The following GKAP1 variants were observed in gnomAD, a reference collection of about 807,000 sequenced individuals.
GKAP1 encodes G kinase-anchoring protein 1.
A neutral mutation model predicts 56.7 loss-of-function variants in GKAP1; 31 were observed. The observed-to-expected ratio is 0.55, with a 90% CI of 0.41 to 0.74. The LOEUF (loss-of-function observed/expected upper bound fraction) is 0.74, where lower values mean the gene tolerates loss of function less well. GKAP1 is among the 30% of genes least tolerant of loss of function. The pLI is 0.00. For missense variants in GKAP1, 364 were observed against 402.3 expected, an observed-to-expected ratio of 0.90 and a Z score of 0.82; for synonymous variants, 151 against 138.6, an observed-to-expected ratio of 1.09 and a Z score of -0.63.
At chr9:83,769,863 A>T (rs1353686336) in intron 7 of GKAP1, among the ~76,000 whole-genome samples, 1 of 152,164 alleles carries the variant, frequency 6.6e-6, no homozygotes, top group Non-Finnish European at 1.5e-5. Context: ...CCACATTCTC[A>T]TCAACACTTG....
At chr9:83,810,370 C>T (rs915194904) in intron 2 of GKAP1, among the ~76,000 whole-genome samples, 2 of 152,154 alleles carry the variant, frequency 1.3e-5, no homozygotes, top group Non-Finnish European at 2.9e-5. Context: ...AGTTAATGTT[C>T]ACAGAAGCAA....
In GKAP1 at chr9:83,784,825, G is replaced by A. The variant is rs770976137; in HGVS notation, c.452C>T (p.Ala151Val). 1 of 1,578,134 alleles carries A rather than the reference G, an allele frequency of 6.3e-7. No homozygotes were observed. The highest frequency in any genetic ancestry group is 8.6e-7 in the Non-Finnish European group (1 of 1,160,390). ...TTTGGACTGAGTTGAAGTATTTTCA[G>A]CATCTTCATACTCCTAAAAAGAATT... ...YEEHKKEYED[A>V]ENTSTQSKVM... The change falls in exon 6 of 13, where the codon GCT becomes GTT. Residue 151 changes from alanine to valine, a missense_variant. Physicochemically the swap from Ala to Val is moderately conservative, Grantham distance 64. Transcript: ENST00000376371.
intron 7 of GKAP1, among the ~76,000 whole-genome samples, chr9:83,772,548 G>A (rs1427696025): frequency 6.6e-6 from 1 of 151,988 alleles, no homozygotes; most frequent in Non-Finnish European, 1.5e-5. Context: ...AACTAGACTT[G>A]ATAACAATTT....
chr9:83,801,516 T>C (rs1944331297), intron 3 of GKAP1, among the ~76,000 whole-genome samples: 1 of 152,130 alleles, frequency 6.6e-6, no homozygotes, highest in South Asian at 2.1e-4. Context: ...ACCAAATACA[T>C]TGTTCTGCAA....
intron 5 of GKAP1, among the ~76,000 whole-genome samples, chr9:83,785,385 C>T (rs1037318778): frequency 6.6e-6 from 1 of 152,100 alleles, no homozygotes; most frequent in African/African-American, 2.4e-5. Context: ...TCTTCAATCT[C>T]AAAGTTTAAA....
chr9:83,743,972 A>G (rs949971997), intron 10 of GKAP1, among the ~76,000 whole-genome samples: 3 of 152,212 alleles, frequency 2.0e-5, no homozygotes, highest in African/African-American at 7.2e-5. Context: ...AAATTGTAAT[A>G]AAATTAGCAA....
chr9:83,768,703 T>C, intron 8 of GKAP1, 115 bp downstream of exon 8: 1 of 856,192 alleles, frequency 1.2e-6, no homozygotes, highest in South Asian at 1.6e-5. Context: ...TAAGATCATA[T>C]CCTAAACTAC....
chr9:83,780,464 G>GAAAA, intron 6 of GKAP1, 60 bp from the exon 7 acceptor site: 1 of 172,824 alleles, frequency 5.8e-6, no homozygotes, highest in South Asian at 7.0e-5. Context: ...ATACAAAAAT[G>GAAAA]TAAAAAAAAA....
At chr9:83,777,530 C>T (rs1463705287) in intron 7 of GKAP1, among the ~76,000 whole-genome samples, 1 of 151,986 alleles carries the variant, frequency 6.6e-6, no homozygotes, top group African/African-American at 2.4e-5. Flanking sequence ...ATGAAATTAA[C>T]CTGAGAACAA....
At chr9:83,783,000 C>T (rs1944003087) in intron 6 of GKAP1, among the ~76,000 whole-genome samples, 1 of 152,124 alleles carries the variant, frequency 6.6e-6, no homozygotes, top group Non-Finnish European at 1.5e-5. Flanking sequence ...TGTATTTGTT[C>T]TTTTAACCCC....
rs79424450 is a variant in GKAP1, at chr9:83,751,984, G to T, written c.840+1274C>A. Among the ~76,000 whole-genome samples, 976 of 152,176 alleles carry T rather than the reference G, an allele frequency of 6.4e-3. 5 individuals carry two copies. Among genetic ancestry groups the T allele is most frequent in the South Asian group, 0.014 (68 of 4,822 alleles). ...CTCTTAGGTATGTACATACCCAAAA[G>T]AACTGAAAGCAAGGACTCAGATACT... On this transcript the variant is annotated intron_variant, in intron 9 of 12. Coordinates refer to ENST00000376371, the MANE Select transcript of GKAP1 (RefSeq NM_025211.4).
intron 12 of GKAP1, among the ~76,000 whole-genome samples, chr9:83,741,350 A>AAT: frequency 8.5e-6 from 1 of 117,856 alleles, no homozygotes; most frequent in South Asian, 3.0e-4. Context: ...CACACACATA[A>AAT]ATATATCTCT....
intron 2 of GKAP1, among the ~76,000 whole-genome samples, chr9:83,811,349 A>G (rs1317740338): frequency 6.6e-6 from 1 of 152,230 alleles, no homozygotes; most frequent in Non-Finnish European, 1.5e-5. Context: ...AGACCTAAAG[A>G]TTACACATAA....
At chr9:83,805,152 T>C (rs989098404) in intron 3 of GKAP1, among the ~76,000 whole-genome samples, 1 of 152,240 alleles carries the variant, frequency 6.6e-6, no homozygotes, top group African/African-American at 2.4e-5. Flanking sequence ...TGGGATCCTG[T>C]TGATCGGTGA....
At chr9:83,741,357 C>A (rs1391981381) in intron 12 of GKAP1, among the ~76,000 whole-genome samples, 3 of 84,806 alleles carry the variant, frequency 3.5e-5, no homozygotes, top group South Asian at 4.3e-4. Flanking sequence ...ATAAATATAT[C>A]TCTCACACAC....
At chr9:83,800,106 T>G (rs1031185162) in intron 3 of GKAP1, among the ~76,000 whole-genome samples, 1 of 152,166 alleles carries the variant, frequency 6.6e-6, no homozygotes, top group Non-Finnish European at 1.5e-5. Flanking sequence ...GTCCACAAAG[T>G]AACATAATCA....
At chr9:83,809,847 G>A (rs1020311322) in intron 2 of GKAP1, among the ~76,000 whole-genome samples, 1 of 152,056 alleles carries the variant, frequency 6.6e-6, no homozygotes, top group Non-Finnish European at 1.5e-5. Flanking sequence ...TCGCTCTGTC[G>A]CCCAGGCTGG....
intron 4 of GKAP1, among the ~76,000 whole-genome samples, chr9:83,790,165 GAAA>G (rs1264310965): frequency 1.3e-5 from 2 of 152,014 alleles, no homozygotes; most frequent in Admixed American, 1.3e-4. Flanking sequence ...AGCTTACACA[GAAA>G]AACAATCGAA....
At chr9:83,811,556 A>T (rs1944506166) in intron 2 of GKAP1, among the ~76,000 whole-genome samples, 1 of 152,230 alleles carries the variant, frequency 6.6e-6, no homozygotes, top group South Asian at 2.1e-4. Flanking sequence ...ACAAACACTC[A>T]AAAGACAAAA....
Sources: gnomAD v4.1 joint callset for allele counts (sites outside exome capture counted in the v4.1 genomes callset) on GRCh38, gnomAD v4.1.1 for gene constraint, MANE v1.5 for transcripts, NCBI Gene and HGNC (gene_info 2026-07-23, HGNC 2026-07-21) for gene names.